The following SGMS1 variants were observed in gnomAD, a reference collection of about 807,000 sequenced individuals.
SGMS1 encodes sphingomyelin synthase 1.
A neutral mutation model predicts 46.2 loss-of-function variants in SGMS1; 13 were observed. The ratio of observed to expected loss-of-function variants is 0.28; its 90% CI spans 0.18 to 0.45. SGMS1 has a LOEUF of 0.45. SGMS1 is among the 20% of genes least tolerant of loss of function. The probability of loss-of-function intolerance (pLI) is 1.00; values close to 1 mark genes in which losing one functional copy is unlikely to be tolerated. For missense variants in SGMS1, 324 were observed against 519.9 expected (o/e 0.62, Z 3.66); for synonymous variants, 203 against 187.8 (o/e 1.08, Z -0.66).
chr10:50,567,280 A>T (rs1004350783), intron 2 of SGMS1, among the ~76,000 whole-genome samples: 14 of 152,062 alleles, frequency 9.2e-5, no homozygotes, highest in African/African-American at 3.1e-4. Flanking sequence ...TGCTATCTTT[A>T]TTGGGGATTT....
At chr10:50,540,418 A>T (rs967161823) in intron 2 of SGMS1, among the ~76,000 whole-genome samples, 1 of 152,172 alleles carries the variant, frequency 6.6e-6, no homozygotes, top group African/African-American at 2.4e-5. Context: ...AAATACTCAC[A>T]ATTACCACTA....
chr10:50,397,364 A>C (rs1349984082), intron 6 of SGMS1, among the ~76,000 whole-genome samples: 1 of 152,178 alleles, frequency 6.6e-6, no homozygotes, highest in Non-Finnish European at 1.5e-5. Flanking sequence ...AGCAAGATGA[A>C]GATGTTAAAG....
chr10:50,425,276 C>T (rs1352297614), intron 6 of SGMS1, among the ~76,000 whole-genome samples: 2 of 152,072 alleles, frequency 1.3e-5, no homozygotes, highest in African/African-American at 4.8e-5. Flanking sequence ...AATCATTATA[C>T]CAAAAAGACA....
chr10:50,514,865 T>C (rs1251594908), intron 3 of SGMS1, among the ~76,000 whole-genome samples: 1 of 152,202 alleles, frequency 6.6e-6, no homozygotes, highest in Non-Finnish European at 1.5e-5. Flanking sequence ...GTCTGGCTAC[T>C]GATGAACCTG....
At chr10:50,384,923 T>TC in intron 6 of SGMS1, among the ~76,000 whole-genome samples, 1 of 152,340 alleles carries the variant, frequency 6.6e-6, no homozygotes, top group South Asian at 2.1e-4. Context: ...TGACATATCT[T>TC]CTTTTTAATT....
chr10:50,543,928 G>A (rs910736464), intron 2 of SGMS1, among the ~76,000 whole-genome samples: 9 of 152,148 alleles, frequency 5.9e-5, no homozygotes, highest in Non-Finnish European at 1.0e-4. Flanking sequence ...TACGAAGAAC[G>A]TAGTGCTACA....
chr10:50,352,113 T>C (rs940311589), intron 6 of SGMS1, among the ~76,000 whole-genome samples: 1 of 152,228 alleles, frequency 6.6e-6, no homozygotes, highest in Non-Finnish European at 1.5e-5. Context: ...AAGGTATACA[T>C]GCTGTTTTCC....
At chr10:50,562,562 G>A (rs900882555) in intron 2 of SGMS1, among the ~76,000 whole-genome samples, 2 of 151,846 alleles carry the variant, frequency 1.3e-5, no homozygotes, top group African/African-American at 4.8e-5. Flanking sequence ...CTCTTTTTTT[G>A]AGACGGAGTC....
intron 2 of SGMS1, among the ~76,000 whole-genome samples, chr10:50,561,323 G>A (rs1311366149): frequency 1.3e-5 from 2 of 152,140 alleles, no homozygotes; most frequent in Non-Finnish European, 2.9e-5. Flanking sequence ...TTTGACAACT[G>A]CGGAAACTGA....
At chr10:50,449,911 G>T (rs1490261943) in intron 5 of SGMS1, among the ~76,000 whole-genome samples, 1 of 151,714 alleles carries the variant, frequency 6.6e-6, no homozygotes, top group Non-Finnish European at 1.5e-5. Flanking sequence ...CTAAAGGAGG[G>T]CCTAGAAAAT....
intron 7 of SGMS1, among the ~76,000 whole-genome samples, chr10:50,338,002 A>G (rs1284882771): frequency 3.3e-5 from 5 of 152,190 alleles, no homozygotes; most frequent in African/African-American, 1.2e-4. Flanking sequence ...GGAAAGTTGT[A>G]TCTGTTCATT....
intron 3 of SGMS1, among the ~76,000 whole-genome samples, chr10:50,509,805 CA>C: frequency 6.6e-6 from 1 of 152,162 alleles, no homozygotes. Flanking sequence ...AATCCTTATC[CA>C]AGTAGCTAAC....
At position 50,332,837 on chromosome 10, in the gene SGMS1, G is replaced by T. The variant is rs116433313; in HGVS notation, c.624-5515C>A. 1.0e-2 allele frequency among the ~76,000 whole-genome samples: 1,515 copies of T among 151,828 alleles called. 17 individuals carry two copies. The highest frequency in any genetic ancestry group is 0.035 in the African/African-American group (1,436 of 41,416). On this transcript the variant is annotated intron_variant, in intron 7 of 10. Coordinates refer to ENST00000361781, the MANE Select transcript of SGMS1 (RefSeq NM_147156.4). The stretch of plus-strand genomic sequence containing the variant: ...GACAGGGTCTTGCCATTTTGCCCAG[G>T]CTGGTCTTGCATTCCTGGGCTCAAA...
At chr10:50,535,915 A>T (rs997978594) in intron 2 of SGMS1, among the ~76,000 whole-genome samples, 1 of 152,154 alleles carries the variant, frequency 6.6e-6, no homozygotes, top group Non-Finnish European at 1.5e-5. Flanking sequence ...AAACTAGACA[A>T]ATGTAGTTAG....
intron 2 of SGMS1, among the ~76,000 whole-genome samples, chr10:50,580,543 G>A (rs1838423868): frequency 1.3e-5 from 2 of 152,058 alleles, no homozygotes; most frequent in Non-Finnish European, 2.9e-5. Flanking sequence ...TAGAAAGAGC[G>A]GGGCATGCAC....
intron 3 of SGMS1, among the ~76,000 whole-genome samples, chr10:50,485,594 C>A (rs1198914380): frequency 6.6e-6 from 1 of 152,058 alleles, no homozygotes; most frequent in African/African-American, 2.4e-5. Context: ...GCCAAGACAA[C>A]CCTAAGCAAA....
At chr10:50,309,431 TAGTA>T (rs768953599) in intron 9 of SGMS1, among the ~76,000 whole-genome samples, 1 of 152,210 alleles carries the variant, frequency 6.6e-6, no homozygotes, top group Non-Finnish European at 1.5e-5. Context: ...GTCATAGAGC[TAGTA>T]AGTGATAGTA....
At chr10:50,384,417 T>C (rs2133485075) in intron 6 of SGMS1, among the ~76,000 whole-genome samples, 1 of 151,724 alleles carries the variant, frequency 6.6e-6, no homozygotes, top group South Asian at 2.1e-4. Flanking sequence ...CTTCCTTCTT[T>C]CTCCTTTCCC....
chr10:50,310,878 A>C (rs952070476), intron 9 of SGMS1, among the ~76,000 whole-genome samples: 1 of 152,192 alleles, frequency 6.6e-6, no homozygotes, highest in Non-Finnish European at 1.5e-5. Flanking sequence ...AGTGCTGAAA[A>C]AATAGTTGCT....
Sources: gnomAD v4.1 joint callset for allele counts (sites outside exome capture counted in the v4.1 genomes callset) on GRCh38, gnomAD v4.1.1 for gene constraint, MANE v1.5 for transcripts, NCBI Gene and HGNC (gene_info 2026-07-23, HGNC 2026-07-21) for gene names.